The following DYSF variants were observed in gnomAD, a reference collection of about 807,000 sequenced individuals.
DYSF encodes the protein dystrophy-associated fer-1-like 1.
Under a neutral mutation model 274.9 loss-of-function variants are expected in DYSF, and 212 were observed. That is an observed-to-expected ratio of 0.77 (90% CI 0.69 to 0.86). The LOEUF is 0.86. DYSF is among the 40% of genes least tolerant of loss of function. DYSF has a pLI of 0.00. For missense variants in DYSF, 2,666 were observed against 2,783.2 expected, an observed-to-expected ratio of 0.96 and a Z score of 0.95; for synonymous variants, 1,091 against 1,078.7, an observed-to-expected ratio of 1.01 and a Z score of -0.22.
intron 34 of DYSF, 179 bp from the exon 35 acceptor site, chr2:71,601,320 C>G (rs2093545261): frequency 1.3e-6 from 1 of 798,020 alleles, no homozygotes. Flanking sequence ...TAGGGCTGCT[C>G]TGGGTGAAGT....
At chr2:71,547,130 T>C (rs940948996) in intron 17 of DYSF, among the ~76,000 whole-genome samples, 2 of 152,246 alleles carry the variant, frequency 1.3e-5, no homozygotes, top group African/African-American at 4.8e-5. Context: ...GTGGACTAAA[T>C]AGAGGCTTTG....
intron 26 of DYSF, 36 bp downstream of exon 26, chr2:71,568,374 G>GC: frequency 6.2e-7 from 1 of 1,610,760 alleles, no homozygotes; most frequent in Non-Finnish European, 8.5e-7. Context: ...GGAGAGCCAG[G>GC]CCAGGCTGCC....
intron 3 of DYSF, among the ~76,000 whole-genome samples, chr2:71,494,056 T>C (rs1234464743): frequency 6.6e-6 from 1 of 152,190 alleles, no homozygotes; most frequent in Admixed American, 6.5e-5. Context: ...AAGGCTGTTA[T>C]AGCCTTTGTG....
rs192887786 is a variant in DYSF, at chr2:71,622,676, T to A, written c.4527+2067T>A. 2.1e-3 allele frequency among the ~76,000 whole-genome samples: 317 copies of A among 152,262 alleles called. 2 individuals are homozygous for A. The highest frequency in any genetic ancestry group is 7.0e-3 in the African/African-American group (291 of 41,562). ...CGTTGCCCAGGCTGGAGTGCAGTGG[T>A]GTTGTCTTGGCTCACTGCAACCTCT... is the stretch of plus-strand genomic sequence containing the variant. On this transcript the variant is annotated intron_variant, in intron 41 of 55. Transcript: ENST00000410020.
intron 53 of DYSF, among the ~76,000 whole-genome samples, chr2:71,680,307 C>T (rs942999113): frequency 1.4e-4 from 21 of 152,224 alleles, no homozygotes; most frequent in African/African-American, 5.1e-4. Context: ...AACAGAAATG[C>T]TCATTGCTGC....
intron 6 of DYSF, 83 bp from the exon 7 acceptor site, chr2:71,513,633 C>T: frequency 7.0e-7 from 1 of 1,438,012 alleles, no homozygotes; most frequent in East Asian, 2.3e-5. Flanking sequence ...TTTGGATCTT[C>T]TGCCCCCTGG....
chr2:71,662,694 ATATGTATGTGTGTTG>A (rs2094909192), intron 45 of DYSF, among the ~76,000 whole-genome samples: 1 of 141,160 alleles, frequency 7.1e-6, no homozygotes, highest in South Asian at 2.3e-4. Context: ...TGGTGTGTGT[ATATGTATGTGTGTTG>A]TATGTATGTG....
At chr2:71,558,511 G>A (rs535200073) in intron 22 of DYSF, among the ~76,000 whole-genome samples, 69 of 152,334 alleles carry the variant, frequency 4.5e-4, no homozygotes, top group African/African-American at 1.6e-3. Flanking sequence ...CCTTGGGTGA[G>A]GTGGGTGGGC....
At chr2:71,538,086 C>G (rs1166460773) in intron 16 of DYSF, among the ~76,000 whole-genome samples, 1 of 152,154 alleles carries the variant, frequency 6.6e-6, no homozygotes, top group Non-Finnish European at 1.5e-5. Flanking sequence ...GCCTCAAATC[C>G]CAGCTTTGCC....
rs780134612 is a variant in DYSF, at chr2:71,590,220, G to A, written c.3506G>A (p.Arg1169His). 20 of 1,613,936 alleles carry A rather than the reference G, an allele frequency of 1.2e-5. No homozygotes were observed. In the Admixed American group the frequency reaches 2.0e-4, roughly 16 times the overall value. ...TISCIFDYGN[R>H]YHLRCYMYQA... Reference sequence around the variant, plus strand: ...TTTTCCCTTGGTGAAGATGGGAACCGCTACCATCTACGCTGCTACATGTAC... The same window carrying A: ...TTTTCCCTTGGTGAAGATGGGAACCACTACCATCTACGCTGCTACATGTAC... Residue 1169 changes from arginine to histidine, a missense_variant, in exon 32 of 56, where the codon CGC becomes CAC. Arg to His is a conservative substitution (Grantham distance 29). This residue lies in a region of DYSF where 1,460 missense variants were observed against 1,502.1 expected (regional missense o/e 0.97). Coordinates refer to ENST00000410020, the MANE Select transcript of DYSF (RefSeq NM_001130987.2).
At chr2:71,542,392 T>C (rs529151716) in intron 17 of DYSF, among the ~76,000 whole-genome samples, 1 of 138,622 alleles carries the variant, frequency 7.2e-6, no homozygotes, top group South Asian at 2.2e-4. Flanking sequence ...TTTTTTTTTT[T>C]ATTGATCATT....
chr2:71,612,982 G>C lies in DYSF; in HGVS notation c.4387+176G>C, dbSNP rs538367562. ...CTTCCTTAGGGCAGAGCCTAGCTCT[G>C]GGTGGGGGGCACCAGGAGCAGGTGA... is the stretch of plus-strand genomic sequence containing the variant. On this transcript the variant is annotated intron_variant, in intron 39 of 55. Transcript: ENST00000410020. Among the ~76,000 whole-genome samples the C allele has an allele frequency of 4.6e-5, 7 of 152,350 alleles. No homozygotes were observed. The East Asian group carries it at 1.2e-3, about 25-fold the overall frequency.
chr2:71,468,918 G>A (rs1344874938), intron 1 of DYSF, among the ~76,000 whole-genome samples: 2 of 152,152 alleles, frequency 1.3e-5, no homozygotes, highest in Non-Finnish European at 2.9e-5. Context: ...TGCGCTTTCT[G>A]GCCCAGCCTC....
rs771681405 is a variant in DYSF, at chr2:71,513,217, G to T, written c.461-23G>T. On this transcript the variant is annotated intron_variant, in intron 5 of 55. Coordinates refer to ENST00000410020, the MANE Select transcript of DYSF (RefSeq NM_001130987.2). ...CCAACCTCCTCCCTCCCCTCCCGGG[G>T]TTATGCCCTGCCCACAAGACAGGCG... 4 of 1,551,376 alleles carry T rather than the reference G, an allele frequency of 2.6e-6. No homozygotes were observed. The South Asian group carries it at 4.8e-5, about 18-fold the overall frequency.
Position 71,525,478 on chromosome 2 carries a change from C to A in DYSF, c.1150-742C>A, listed in dbSNP as rs550623458. ...ACCTCAGGTGATCCGCCTGCCTCGG[C>A]CTCCCAGAGTGCTAGGATTACAGGT... On this transcript the variant is annotated intron_variant, in intron 12 of 55. Transcript: ENST00000410020. Among the ~76,000 whole-genome samples, 3 of 152,258 alleles carry A rather than the reference C, an allele frequency of 2.0e-5. No individual in the cohort carries two copies. The East Asian group carries it at 5.8e-4, about 29-fold the overall frequency.
intron 44 of DYSF, among the ~76,000 whole-genome samples, chr2:71,659,728 G>A (rs1481437097): frequency 6.6e-6 from 1 of 152,232 alleles, no homozygotes; most frequent in Non-Finnish European, 1.5e-5. Flanking sequence ...GAGATGGAGA[G>A]GGGAGATTTG....
chr2:71,661,158 G>C (rs1191235518), intron 45 of DYSF, among the ~76,000 whole-genome samples: 1 of 147,892 alleles, frequency 6.8e-6, no homozygotes, highest in Admixed American at 6.7e-5. Flanking sequence ...GTAGAAATCT[G>C]TGTGTAAGCT....
At chr2:71,544,751 T>C (rs1328612072) in intron 17 of DYSF, among the ~76,000 whole-genome samples, 2 of 152,148 alleles carry the variant, frequency 1.3e-5, no homozygotes, top group Non-Finnish European at 1.5e-5. Flanking sequence ...AGCAAGACAT[T>C]GTTAACTTAG....
chr2:71,464,427 A>G (rs556622770), upstream of DYSF, among the ~76,000 whole-genome samples: 11 of 152,336 alleles, frequency 7.2e-5, no homozygotes, highest in Admixed American at 6.5e-4. Context: ...AAGGGAGATG[A>G]AAGAGGGAAA....
Sources: gnomAD v4.1 joint callset for allele counts (sites outside exome capture counted in the v4.1 genomes callset) on GRCh38, gnomAD v4.1.1 for gene constraint, gnomAD v4.1.1 regional missense constraint, MANE v1.5 for transcripts, NCBI Gene and HGNC (gene_info 2026-07-23, HGNC 2026-07-21) for gene names.